FGL1: variants seen among roughly 807,000 people sequenced by gnomAD.
FGL1 encodes fibrinogen like 1.
A neutral mutation model predicts 43.7 loss-of-function variants in FGL1; 59 were observed. That is an observed-to-expected ratio of 1.35 (90% CI 1.10 to 1.68). The LOEUF (loss-of-function observed/expected upper bound fraction) is 1.68. Ranked by LOEUF, FGL1 falls within the 40% of genes most tolerant of loss-of-function variation. The probability of loss-of-function intolerance (pLI) is 0.00; values close to 1 mark genes in which losing one functional copy is unlikely to be tolerated. For missense variants in FGL1, 596 were observed against 373.0 expected (o/e 1.60, Z -4.92); for synonymous variants, 192 against 126.5 (o/e 1.52, Z -3.48).
In FGL1 at chr8:17,864,853, T is replaced by A. The variant is rs17125745; in HGVS notation, c.780-102A>T. 10,976 of 1,025,368 alleles carry A rather than the reference T, an allele frequency of 0.011. 823 individuals are homozygous for A. In the African/African-American group the frequency reaches 0.16, roughly 15 times the overall value. The allele number at this position is 1,025,368 out of a possible 1,614,324, so 63.5% of individuals were successfully genotyped here. On this transcript the variant is annotated intron_variant, in intron 7 of 7. Transcript: ENST00000427924. ...ACAAATGCTCAAAATTTTTGAACTA[T>A]GAATTCTGCCATTTTTCAGACAAGT...
intron 1 of FGL1, among the ~76,000 whole-genome samples, chr8:17,890,564 G>A (rs1003247832): frequency 2.0e-5 from 3 of 152,068 alleles, no homozygotes; most frequent in Non-Finnish European, 2.9e-5. Context: ...CCTTCCCAGA[G>A]ATACCTTCCC....
intron 2 of FGL1, among the ~76,000 whole-genome samples, chr8:17,885,282 A>T (rs1430326992): frequency 6.6e-6 from 1 of 151,960 alleles, no homozygotes; most frequent in East Asian, 1.9e-4. Context: ...TGACCTTGTG[A>T]TCCACCCATC....
rs140059917 is a variant in FGL1, at chr8:17,868,643, A to T, written c.684T>A (p.Ser228Arg). The T allele has an allele frequency of 6.2e-7, 1 of 1,613,992 alleles. No homozygotes were observed. Among genetic ancestry groups the T allele is most frequent in the African/African-American group, 1.3e-5 (1 of 74,916 alleles). The change falls in exon 7 of 8, where the codon AGT (serine) becomes AGA (arginine). Residue 228 changes from serine (S) to arginine (R), a missense_variant. Coordinates refer to ENST00000427924, the MANE Select transcript of FGL1 (RefSeq NM_004467.4). The part of the protein sequence containing the change: ...NFHPEVQWWA[S>R]HQRMKFSTWD... ...ACGTGCTGAATTTCATTCTTTGGTG[A>T]CTAGCCCACCACTGCACCTCAGGAT... is the stretch of plus-strand genomic sequence containing the variant.
Position 17,882,117 on chromosome 8 carries a change from G to T in FGL1, c.126C>A (p.Thr42=). The T allele has an allele frequency of 6.2e-7, 1 of 1,613,978 alleles. No homozygotes were observed. The highest frequency in any genetic ancestry group is 1.1e-5 in the South Asian group (1 of 91,076). Residue 42 remains threonine (T), a synonymous_variant, in exon 3 of 8, where the codon ACC becomes ACA. Transcript: ENST00000427924. ...RLRAQVRLLE[T]RVKQQQVKIK... ...TCTTGACCTGTTGCTGTTTGACCCGGGTCTCAAGCAGGCGCACCTGGGCTC... is the reference window on the plus strand; with the variant it reads ...TCTTGACCTGTTGCTGTTTGACCCGTGTCTCAAGCAGGCGCACCTGGGCTC...
intron 1 of FGL1, among the ~76,000 whole-genome samples, chr8:17,889,247 C>T (rs183220121): frequency 3.9e-5 from 6 of 152,298 alleles, no homozygotes; most frequent in Non-Finnish European, 7.3e-5. Flanking sequence ...TTGGGCATCA[C>T]TAAACACTCT....
At chr8:17,872,634 A>T (rs2053381459) in intron 5 of FGL1, among the ~76,000 whole-genome samples, 1 of 152,048 alleles carries the variant, frequency 6.6e-6, no homozygotes, top group Admixed American at 6.6e-5. Flanking sequence ...AGTGTAACTT[A>T]GCATGCTTTT....
intron 7 of FGL1, among the ~76,000 whole-genome samples, chr8:17,865,347 C>T (rs2053255374): frequency 6.6e-6 from 1 of 152,216 alleles, no homozygotes; most frequent in South Asian, 2.1e-4. Flanking sequence ...TGCTCTACTA[C>T]TGGCTTTCCT....
At chr8:17,880,381 A>C (rs541909852) in intron 3 of FGL1, among the ~76,000 whole-genome samples, 1 of 152,334 alleles carries the variant, frequency 6.6e-6, no homozygotes, top group East Asian at 1.9e-4. Flanking sequence ...AGACTCTCAC[A>C]ACTCCTATAT....
chr8:17,868,856 G>A, intron 6 of FGL1, 60 bp downstream of exon 6: 1 of 1,461,892 alleles, frequency 6.8e-7, no homozygotes, highest in East Asian at 2.3e-5. Context: ...CTGACTCCAG[G>A]GTTATATTGC....
chr8:17,872,640 C>G (rs975860260), intron 5 of FGL1, among the ~76,000 whole-genome samples: 3 of 152,014 alleles, frequency 2.0e-5, no homozygotes, highest in African/African-American at 7.3e-5. Flanking sequence ...ACTTAGCATG[C>G]TTTTTTGGGC....
At chr8:17,871,607 T>C (rs867261409) in intron 5 of FGL1, among the ~76,000 whole-genome samples, 1 of 152,220 alleles carries the variant, frequency 6.6e-6, no homozygotes, top group African/African-American at 2.4e-5. Flanking sequence ...TATTTACCAT[T>C]TCTAAATCAA....
Position 17,874,001 on chromosome 8 carries a change from ACAT to A in FGL1, c.502+15_502+17del. 1 of 1,527,390 alleles carries A rather than the reference ACAT, an allele frequency of 6.5e-7. No homozygotes were observed. Among genetic ancestry groups the A allele is most frequent in the Non-Finnish European group, 8.8e-7 (1 of 1,135,754 alleles). 94.6% of individuals were successfully genotyped at this position (1,527,390 alleles called of 1,614,324 possible). A position where few individuals can be genotyped will look rare whatever the true frequency, so the allele number is the denominator to read the frequency against. On this transcript the variant is annotated intron_variant, in intron 5 of 7. Transcript: ENST00000427924. Reference sequence around the variant, plus strand: ...TTTTATTATATTTCAAATAAATCTGACATCATTCAAACCTTACCTTGAGTGGTC... The same window carrying A: ...TTTTATTATATTTCAAATAAATCTGACATTCAAACCTTACCTTGAGTGGTC...
At chr8:17,887,670 A>T (rs1441002107) in intron 1 of FGL1, among the ~76,000 whole-genome samples, 1 of 152,046 alleles carries the variant, frequency 6.6e-6, no homozygotes, top group Non-Finnish European at 1.5e-5. Context: ...CCCTGTCTCT[A>T]TAAAAATACA....
chr8:17,885,276 C>A (rs1373759096), intron 2 of FGL1, among the ~76,000 whole-genome samples: 2 of 152,084 alleles, frequency 1.3e-5, no homozygotes, highest in East Asian at 3.9e-4. Context: ...AACTCCTGAC[C>A]TTGTGATCCA....
At chr8:17,868,435 A>G (rs1585126519) in intron 7 of FGL1, 113 bp downstream of exon 7, 2 of 787,032 alleles carry the variant, frequency 2.5e-6, no homozygotes, top group Non-Finnish European at 3.6e-6. Flanking sequence ...TTACTTAATA[A>G]TACTAATATT....
chr8:17,882,485 G>C (rs892594373), intron 2 of FGL1: 10 of 201,292 alleles, frequency 5.0e-5, no homozygotes, highest in African/African-American at 2.3e-4. Context: ...GGTAGGAAAG[G>C]GCTCAGTCTT....
At chr8:17,869,642 G>C (rs796333227) in intron 5 of FGL1, among the ~76,000 whole-genome samples, 2 of 151,216 alleles carry the variant, frequency 1.3e-5, no homozygotes, top group African/African-American at 4.9e-5. Context: ...ATGTAGAGTG[G>C]ATGTCATTGG....
intron 5 of FGL1, among the ~76,000 whole-genome samples, chr8:17,872,911 G>A (rs1451607524): frequency 6.6e-6 from 1 of 152,158 alleles, no homozygotes; most frequent in African/African-American, 2.4e-5. Flanking sequence ...TGGATTGATG[G>A]ACGGATTGAG....
chr8:17,885,342 T>C (rs1353789897), intron 2 of FGL1, 150 bp downstream of exon 2: 12 of 635,504 alleles, frequency 1.9e-5, no homozygotes, highest in Middle Eastern at 3.5e-4. Context: ...TGCTTTACTA[T>C]GTGTCCAGTA....
Sources: gnomAD v4.1 joint callset for allele counts (sites outside exome capture counted in the v4.1 genomes callset) on GRCh38, gnomAD v4.1.1 for gene constraint, MANE v1.5 for transcripts, NCBI Gene and HGNC (gene_info 2026-07-23, HGNC 2026-07-21) for gene names.